SYT14: variants seen among roughly 807,000 people sequenced by gnomAD.
SYT14 encodes the protein synaptotagmin-14.
A neutral mutation model predicts 74.2 loss-of-function variants in SYT14; 32 were observed. The observed-to-expected ratio is 0.43, with a 90% CI of 0.33 to 0.58. The LOEUF (loss-of-function observed/expected upper bound fraction) is 0.58, where lower values mean the gene tolerates loss of function less well. SYT14 is among the 20% of genes least tolerant of loss of function. SYT14 has a pLI of 0.05. For synonymous variants in SYT14, 298 were observed against 337.7 expected, an observed-to-expected ratio of 0.88 and a Z score of 1.29; for missense variants, 791 against 981.8, an observed-to-expected ratio of 0.81 and a Z score of 2.60.
chr1:210,034,040 A>T (rs12079711), intron 5 of SYT14, among the ~76,000 whole-genome samples: 1 of 151,746 alleles, frequency 6.6e-6, no homozygotes, highest in Non-Finnish European at 1.5e-5. Flanking sequence ...TCTGCAAATA[A>T]CAATAGCTAT....
intron 7 of SYT14, among the ~76,000 whole-genome samples, chr1:210,154,398 A>G (rs1042395302): frequency 1.3e-5 from 2 of 152,096 alleles, no homozygotes; most frequent in African/African-American, 4.8e-5. Flanking sequence ...TACCCTCTAC[A>G]TCCTGTCCAT....
chr1:210,042,877 T>C (rs1250771429), intron 5 of SYT14, among the ~76,000 whole-genome samples: 3 of 152,210 alleles, frequency 2.0e-5, no homozygotes, highest in Non-Finnish European at 4.4e-5. Context: ...TAGTTTTTTC[T>C]AATTCTGTGA....
intron 2 of SYT14, among the ~76,000 whole-genome samples, chr1:209,977,332 A>G (rs1252827746): frequency 6.6e-6 from 1 of 152,194 alleles, no homozygotes; most frequent in Admixed American, 6.5e-5. Context: ...ATGTTTTTGC[A>G]GTGGCTGGTA....
intron 7 of SYT14, among the ~76,000 whole-genome samples, chr1:210,123,540 G>C (rs913317689): frequency 6.6e-6 from 1 of 152,194 alleles, no homozygotes; most frequent in South Asian, 2.1e-4. Context: ...TGTCAGGCTT[G>C]TGTCTAGCCC....
rs1203570751 is a variant in SYT14 at position 209,944,569 on chromosome 1, A to C, written c.-534+6292A>C. Among the ~76,000 whole-genome samples, 6 of 152,318 alleles carry C rather than the reference A, an allele frequency of 3.9e-5. 1 individual carries two copies. The highest frequency in any genetic ancestry group is 8.8e-5 in the Non-Finnish European group (6 of 68,026). ...GCTGGAGGGGTAGTATGTGTTTCAAAGTGTAGGCTGCTATTTAGTAGAAAT... is the reference window on the plus strand; with the variant it reads ...GCTGGAGGGGTAGTATGTGTTTCAACGTGTAGGCTGCTATTTAGTAGAAAT... On this transcript the variant is annotated intron_variant, in intron 1 of 9. Coordinates refer to ENST00000637265, the Ensembl canonical transcript of SYT14.
chr1:209,995,827 A>G (rs1181226538), intron 2 of SYT14, among the ~76,000 whole-genome samples: 1 of 152,214 alleles, frequency 6.6e-6, no homozygotes, highest in African/African-American at 2.4e-5. Flanking sequence ...AGTATAAGGA[A>G]GATCTCTCAA....
At chr1:210,029,187 A>G (rs1011230909) in intron 5 of SYT14, among the ~76,000 whole-genome samples, 4 of 152,186 alleles carry the variant, frequency 2.6e-5, no homozygotes, top group African/African-American at 9.6e-5. Context: ...TATCAGATAT[A>G]TGGTTTGCAA....
intron 2 of SYT14, among the ~76,000 whole-genome samples, chr1:209,985,074 A>G (rs938085546): frequency 1.8e-4 from 27 of 152,258 alleles, no homozygotes; most frequent in African/African-American, 6.3e-4. Flanking sequence ...GCCCCACAAA[A>G]TCTCATGTCC....
In SYT14 at chr1:210,020,817, AT is replaced by A. The variant is rs538156784; in HGVS notation, c.1097-215del. ...TGGGCTTCTTATGTGAAAAAATTGT[AT>A]TTTTTTAAATCTGAAAATTCAGGTT... On this transcript the variant is annotated intron_variant, in intron 4 of 9. Transcript: ENST00000637265. 2.6e-3 allele frequency among the ~76,000 whole-genome samples: 397 copies of A among 152,166 alleles called. 2 individuals are homozygous for A. Among genetic ancestry groups the A allele is most frequent in the African/African-American group, 9.0e-3 (374 of 41,506 alleles).
At chr1:210,125,689 C>T (rs2082555519) in intron 7 of SYT14, among the ~76,000 whole-genome samples, 1 of 152,112 alleles carries the variant, frequency 6.6e-6, no homozygotes, top group African/African-American at 2.4e-5. Flanking sequence ...TCTTAAAATA[C>T]CCAAAGTGAT....
intron 8 of SYT14, among the ~76,000 whole-genome samples, chr1:210,156,443 T>TG (rs2083268834): frequency 6.6e-6 from 1 of 152,150 alleles, no homozygotes; most frequent in Admixed American, 6.5e-5. Flanking sequence ...GCTTTGCTCT[T>TG]ACCAGGACAA....
intron 2 of SYT14, among the ~76,000 whole-genome samples, chr1:209,996,140 T>A (rs889717741): frequency 6.6e-6 from 1 of 152,020 alleles, no homozygotes; most frequent in Non-Finnish European, 1.5e-5. Context: ...GAGAAGAATT[T>A]AATGAAATTG....
chr1:210,067,131 T>G (rs941241071), intron 5 of SYT14, among the ~76,000 whole-genome samples: 9 of 152,210 alleles, frequency 5.9e-5, no homozygotes, highest in Non-Finnish European at 1.2e-4. Flanking sequence ...GTTTCTGGAC[T>G]GTCAAGTATA....
At chr1:210,148,452 T>C (rs1572381085) in intron 7 of SYT14, among the ~76,000 whole-genome samples, 1 of 148,224 alleles carries the variant, frequency 6.7e-6, no homozygotes, top group South Asian at 2.1e-4. Context: ...GAGCTTGCGG[T>C]GAGCCGAGAT....
intron 7 of SYT14, among the ~76,000 whole-genome samples, chr1:210,132,889 A>G (rs1236153484): frequency 1.3e-5 from 2 of 152,068 alleles, no homozygotes; most frequent in Admixed American, 6.6e-5. Context: ...ATCTAACTAT[A>G]CCTCTTACTT....
At chr1:209,982,664 A>G (rs60460270) in intron 2 of SYT14, among the ~76,000 whole-genome samples, 158 of 152,342 alleles carry the variant, frequency 1.0e-3, no homozygotes, top group African/African-American at 3.6e-3. Flanking sequence ...GCATCAATGT[A>G]CACATTTTTG....
At chr1:210,031,991 A>G (rs931269990) in intron 5 of SYT14, among the ~76,000 whole-genome samples, 10 of 152,174 alleles carry the variant, frequency 6.6e-5, no homozygotes, top group Admixed American at 6.5e-5. Flanking sequence ...CAGGACAAAT[A>G]AGGGACAACT....
chr1:210,122,494 G>T (rs1350439116), intron 7 of SYT14, among the ~76,000 whole-genome samples: 4 of 151,710 alleles, frequency 2.6e-5, no homozygotes, highest in African/African-American at 9.7e-5. Flanking sequence ...ATTGACACAT[G>T]CCACTTCCAT....
chr1:210,128,153 G>A (rs1297461653), intron 7 of SYT14, among the ~76,000 whole-genome samples: 3 of 152,062 alleles, frequency 2.0e-5, no homozygotes, highest in Non-Finnish European at 2.9e-5. Flanking sequence ...CAGGACGATC[G>A]CTTGAGGTCA....
Sources: allele counts gnomAD v4.1 joint callset (sites outside exome capture counted in the v4.1 genomes callset), GRCh38; gene constraint gnomAD v4.1.1; transcripts MANE v1.5; gene names NCBI Gene and HGNC (gene_info 2026-07-23, HGNC 2026-07-21).